PRKCH: variants seen among roughly 807,000 people sequenced by gnomAD.
PRKCH encodes protein kinase C eta, also known as protein kinase C eta type.
PRKCH carries 28 observed loss-of-function variants against 82.5 expected under a neutral mutation model. The ratio of observed to expected loss-of-function variants is 0.34; its 90% CI spans 0.25 to 0.47. The LOEUF (loss-of-function observed/expected upper bound fraction) is 0.47, where lower values mean the gene tolerates loss of function less well. Among genes scored for constraint, PRKCH ranks in the 20% least tolerant of loss-of-function variants. The pLI, the probability that PRKCH is intolerant of heterozygous loss-of-function variation, is 1.00. For synonymous variants in PRKCH, 322 were observed against 327.4 expected, an observed-to-expected ratio of 0.98 and a Z score of 0.18; for missense variants, 705 against 881.8, an observed-to-expected ratio of 0.80 and a Z score of 2.54.
intron 1 of PRKCH, among the ~76,000 whole-genome samples, chr14:61,330,027 G>T (rs1165880718): frequency 3.9e-5 from 6 of 152,188 alleles, no homozygotes; most frequent in African/African-American, 1.4e-4. Context: ...CTAAGTACCA[G>T]GCATTGTGCT....
chr14:61,529,465 T>C (rs1476251217), intron 11 of PRKCH, among the ~76,000 whole-genome samples: 2 of 151,976 alleles, frequency 1.3e-5, no homozygotes, highest in African/African-American at 2.4e-5. Context: ...CGTATGTTTA[T>C]TGCGGCATTA....
intron 1 of PRKCH, among the ~76,000 whole-genome samples, chr14:61,295,646 C>T (rs755024688): frequency 6.6e-6 from 1 of 152,196 alleles, no homozygotes; most frequent in Non-Finnish European, 1.5e-5. Context: ...CGTTGGTCTC[C>T]ATAGCATCTA....
At chr14:61,276,208 G>C (rs749730996) in intron 1 of PRKCH, among the ~76,000 whole-genome samples, 2 of 151,874 alleles carry the variant, frequency 1.3e-5, no homozygotes, top group Non-Finnish European at 2.9e-5. Context: ...GGAGACTTAA[G>C]AGACATTTTC....
Position 61,334,789 on chromosome 14 carries a change from A to G in PRKCH, c.363+12325A>G, listed in dbSNP as rs188168378. Among the ~76,000 whole-genome samples the G allele has an allele frequency of 5.3e-5, 8 of 152,246 alleles. No homozygotes were observed. The East Asian group carries it at 1.5e-3, about 29-fold the overall frequency. ...CTTATAGGCTTGGTGTGAAGATTAG[A>G]TGAACTACATTAAACATGCCCAGCA... On this transcript the variant is annotated intron_variant, in intron 1 of 13. Transcript: ENST00000332981.
intron 1 of PRKCH, among the ~76,000 whole-genome samples, chr14:61,286,644 C>T (rs1273004272): frequency 5.3e-5 from 8 of 151,974 alleles, no homozygotes; most frequent in Admixed American, 2.0e-4. Flanking sequence ...GGTATGGTGG[C>T]GCATGCCTGT....
chr14:61,455,698 C>T (rs1441550614), intron 7 of PRKCH, among the ~76,000 whole-genome samples: 1 of 152,186 alleles, frequency 6.6e-6, no homozygotes, highest in East Asian at 1.9e-4. Flanking sequence ...ATGGACAGTG[C>T]ACTTGTCATT....
At chr14:61,414,191 A>G (rs1292076836) in intron 2 of PRKCH, among the ~76,000 whole-genome samples, 1 of 151,540 alleles carries the variant, frequency 6.6e-6, no homozygotes, top group East Asian at 1.9e-4. Flanking sequence ...CTCCGTCTAT[A>G]TCTGCAGCCC....
rs547032580 is a variant in PRKCH, at chr14:61,204,205, TA to T, written c.-19+16541del. 7.9e-5 allele frequency among the ~76,000 whole-genome samples: 12 copies of T among 152,274 alleles called. No individual in the cohort carries two copies. In the South Asian group the frequency reaches 2.5e-3, roughly 32 times the overall value. ...TCTAAAAACCTCACCACATAATAAC[TA>T]AAACTAATAACTTACTTGTATTATC... is the stretch of plus-strand genomic sequence containing the variant. On this transcript the variant is annotated intron_variant, in intron 1 of 3. Transcript: ENST00000555185.
intron 5 of PRKCH, among the ~76,000 whole-genome samples, chr14:61,449,464 T>C (rs1156700391): frequency 6.6e-6 from 1 of 152,174 alleles, no homozygotes; most frequent in Non-Finnish European, 1.5e-5. Flanking sequence ...TTTTTTTAAA[T>C]TATGGCATTT....
chr14:61,420,631 T>A (rs1882787717), intron 2 of PRKCH, among the ~76,000 whole-genome samples: 2 of 152,312 alleles, frequency 1.3e-5, no homozygotes, highest in East Asian at 1.9e-4. Context: ...CTTGTGAAGA[T>A]CTCTGGGCAC....
chr14:61,494,124 C>G (rs963466554), intron 10 of PRKCH, among the ~76,000 whole-genome samples: 2 of 152,074 alleles, frequency 1.3e-5, no homozygotes, highest in Non-Finnish European at 2.9e-5. Context: ...GAGTCTGAAG[C>G]TCAGTAAAGA....
intron 1 of PRKCH, among the ~76,000 whole-genome samples, chr14:61,246,891 T>A (rs1277130557): frequency 6.6e-6 from 1 of 152,176 alleles, no homozygotes; most frequent in Admixed American, 6.5e-5. Flanking sequence ...TCCGGCCATG[T>A]CAGCACTTTT....
intron 1 of PRKCH, among the ~76,000 whole-genome samples, chr14:61,337,575 C>T (rs935930356): frequency 3.9e-5 from 6 of 152,152 alleles, no homozygotes; most frequent in Middle Eastern, 3.2e-3. Flanking sequence ...CGTGCACCAC[C>T]GTGGTTGGCT....
At chr14:61,219,661 T>C (rs964277311) in intron 1 of PRKCH, among the ~76,000 whole-genome samples, 1 of 152,244 alleles carries the variant, frequency 6.6e-6, no homozygotes, top group Non-Finnish European at 1.5e-5. Context: ...CTAGTTATAT[T>C]ACCCATCATT....
At chr14:61,318,599 A>G (rs1354924211), upstream of PRKCH, among the ~76,000 whole-genome samples, 1 of 151,872 alleles carries the variant, frequency 6.6e-6, no homozygotes, top group East Asian at 1.9e-4. Context: ...CCTCTTCCTC[A>G]TTCCCTTCAA....
chr14:61,364,823 G>A (rs2046276888), intron 1 of PRKCH, among the ~76,000 whole-genome samples: 1 of 152,100 alleles, frequency 6.6e-6, no homozygotes, highest in Non-Finnish European at 1.5e-5. Context: ...TCGGGCAACA[G>A]GGTGAGACCC....
intron 1 of PRKCH, among the ~76,000 whole-genome samples, chr14:61,198,362 C>T (rs1429896139): frequency 3.9e-5 from 6 of 152,162 alleles, no homozygotes; most frequent in Non-Finnish European, 7.3e-5. Context: ...GTTCTTCCAT[C>T]CTCCATGCCT....
chr14:61,198,869 G>A (rs971661825), intron 1 of PRKCH, among the ~76,000 whole-genome samples: 1 of 152,190 alleles, frequency 6.6e-6, no homozygotes, highest in Non-Finnish European at 1.5e-5. Flanking sequence ...TCTTATATTT[G>A]TGCATCATTC....
At chr14:61,478,836 G>C (rs918667975) in intron 9 of PRKCH, among the ~76,000 whole-genome samples, 1 of 152,144 alleles carries the variant, frequency 6.6e-6, no homozygotes, top group Non-Finnish European at 1.5e-5. Context: ...CCTCCAGCCT[G>C]GGTGACAGAG....
Sources: gnomAD v4.1 joint callset for allele counts (sites outside exome capture counted in the v4.1 genomes callset) on GRCh38, gnomAD v4.1.1 for gene constraint, MANE v1.5 for transcripts, NCBI Gene and HGNC (gene_info 2026-07-23, HGNC 2026-07-21) for gene names.